Variants in KIF26A observed in about 807,000 individuals in gnomAD.
The protein encoded by KIF26A is kinesin family member 26A, also known as kinesin-like protein KIF26A.
KIF26A carries 74 observed loss-of-function variants against 126.0 expected under a neutral mutation model. The ratio of observed to expected loss-of-function variants is 0.59; its 90% CI spans 0.49 to 0.71. The LOEUF (loss-of-function observed/expected upper bound fraction) is 0.71, where lower values mean the gene tolerates loss of function less well. Among genes scored for constraint, KIF26A ranks in the 30% least tolerant of loss-of-function variants. The pLI is 0.00. For synonymous variants in KIF26A, 1,445 were observed against 1,232.7 expected (o/e 1.17, Z -3.61); for missense variants, 2,984 against 2,763.3 (o/e 1.08, Z -1.79).
rs1240016682 is a variant in KIF26A at position 104,151,503 on chromosome 14, A to G, written c.289-512A>G. On this transcript the variant is annotated intron_variant, in intron 2 of 14. Coordinates refer to ENST00000423312, the MANE Select transcript of KIF26A (RefSeq NM_015656.2). The surrounding 1 kb of genome is among the most constrained non-coding windows in gnomAD (Gnocchi z 4.9). ...CCGAGGGAGGCCTTCGCTTCTGTTG[A>G]CACCTTTACAGCAGCACTGATTTGA... 2.6e-5 allele frequency among the ~76,000 whole-genome samples: 4 copies of G among 152,116 alleles called. No individual in the cohort carries two copies. The highest frequency in any genetic ancestry group is 9.7e-5 in the African/African-American group (4 of 41,420).
chr14:104,171,766 G>T lies in KIF26A; in HGVS notation c.1157G>T (p.Arg386Leu). ...LRIWPAQGAQ[R>L]SAEAMSFLKV... ...ATCTGGCCCGCACAGGGGGCCCAGC[G>T]CTCGGCCGAGGCCATGTCCTTCCTG... Residue 386 changes from arginine (R) to leucine (L), a missense_variant, in exon 6 of 15, where the codon CGC becomes CTC. Physicochemically the swap from Arg to Leu is moderately radical, Grantham distance 102 (BLOSUM62 -2). Transcript: ENST00000423312. The T allele has an allele frequency of 6.3e-7, 1 of 1,580,476 alleles. No individual in the cohort carries two copies. Among genetic ancestry groups the T allele is most frequent in the Non-Finnish European group, 8.6e-7 (1 of 1,164,450 alleles).
In KIF26A at chr14:104,174,577, G is replaced by A. The variant is rs892034212; in HGVS notation, c.2193+267G>A. On this transcript the variant is annotated intron_variant, in intron 11 of 14. Coordinates refer to ENST00000423312, the MANE Select transcript of KIF26A (RefSeq NM_015656.2). ...GGCCTCACTCCAGCCTGCTGCCCCC[G>A]CACAGGCCCTGGGGTGCTCAGGAGA... is the stretch of plus-strand genomic sequence containing the variant. 1.2e-4 allele frequency among the ~76,000 whole-genome samples: 18 copies of A among 152,242 alleles called. No individual in the cohort carries two copies. The East Asian group carries it at 2.5e-3, about 21-fold the overall frequency.
chr14:104,179,424 C>T (rs1312208166), intron 14 of KIF26A, 38 bp downstream of exon 14: 64 of 1,465,700 alleles, frequency 4.4e-5, no homozygotes, highest in East Asian at 5.0e-5. Flanking sequence ...CCCGGCCCAC[C>T]GTGTGCCCTG....
At chr14:104,165,729 TTCTG>T (rs1003219583) in intron 4 of KIF26A, among the ~76,000 whole-genome samples, 30 of 149,890 alleles carry the variant, frequency 2.0e-4, no homozygotes, top group Admixed American at 9.3e-4. Flanking sequence ...GTCTGTGTGT[TTCTG>T]TATGCATATG....
Position 104,177,322 on chromosome 14 carries a change from G to C in KIF26A, c.4534G>C (p.Gly1512Arg), listed in dbSNP as rs1235979904. The change falls in exon 12 of 15, where the codon GGG becomes CGG. Residue 1512 changes from glycine (G) to arginine (R), a missense_variant. Gly to Arg is a moderately radical substitution (Grantham distance 125, BLOSUM62 -2). Coordinates refer to ENST00000423312, the MANE Select transcript of KIF26A (RefSeq NM_015656.2). ...AGTGGCTGGTGGGTCGCGGGCTCTG[G>C]GGCCTTCGGTGAAGCTGTCTACGGC... ...GLVAGGSRAL[G>R]PSVKLSTASV... 2 of 1,531,070 alleles carry C rather than the reference G, an allele frequency of 1.3e-6. No homozygotes were observed. Among genetic ancestry groups the C allele is most frequent in the Middle Eastern group, 1.7e-4 (1 of 5,864 alleles). The allele number at this position is 1,531,070 out of a possible 1,614,324, so 94.8% of individuals were successfully genotyped here.
At chr14:104,173,928 C>T (rs1001931594) in intron 10 of KIF26A, 60 bp downstream of exon 10, 27 of 1,514,302 alleles carry the variant, frequency 1.8e-5, no homozygotes, top group African/African-American at 6.9e-5. Context: ...CTGGTAAATC[C>T]GTGTCTGGTG....
chr14:104,146,187 T>G (rs2037679000), intron 2 of KIF26A, among the ~76,000 whole-genome samples: 1 of 152,014 alleles, frequency 6.6e-6, no homozygotes, highest in Non-Finnish European at 1.5e-5. Context: ...ACAGGGTGGT[T>G]GTTTTTGGGG....
rs562119465 is a variant in KIF26A at position 104,162,265 on chromosome 14, G to A, written c.923+4323G>A. On this transcript the variant is annotated intron_variant, in intron 4 of 14. Transcript: ENST00000423312. ...GGAGGAGGCGCCTCAAGTTAGGTCA[G>A]ATTGTGGGGTGGAGATGTGGGGCGA... is the stretch of plus-strand genomic sequence containing the variant. Among the ~76,000 whole-genome samples, 14 of 152,330 alleles carry A rather than the reference G, an allele frequency of 9.2e-5. No individual in the cohort carries two copies. The South Asian group carries it at 1.0e-3, about 11-fold the overall frequency.
intron 4 of KIF26A, among the ~76,000 whole-genome samples, chr14:104,161,147 C>G (rs1252479106): frequency 6.6e-6 from 1 of 152,224 alleles, no homozygotes; most frequent in Non-Finnish European, 1.5e-5. Context: ...CACAGCAGGG[C>G]TGGGAGTTGG....
At chr14:104,165,585 CTGTGTGTCTATGCATG>C (rs1392938419) in intron 4 of KIF26A, among the ~76,000 whole-genome samples, 14 of 140,220 alleles carry the variant, frequency 1.0e-4, no homozygotes, top group African/African-American at 3.2e-4. Flanking sequence ...ATGTGTGTGT[CTGTGTGTCTATGCATG>C]TGTGTGTCTC....
chr14:104,174,316 C>A lies in KIF26A; in HGVS notation c.2193+6C>A. 1 of 1,525,580 alleles carries A rather than the reference C, an allele frequency of 6.6e-7. No individual in the cohort carries two copies. The highest frequency in any genetic ancestry group is 2.0e-5 in the Admixed American group (1 of 49,996). 94.5% of individuals were successfully genotyped at this position (1,525,580 alleles called of 1,614,324 possible). ...TGCGCAGGAAGAAGGCCAAGGTGCT[C>A]CCCACCTCCTGCCCGCCCCATCTCG... On this transcript the variant is annotated splice_donor_region_variant and intron_variant, in intron 11 of 14. Coordinates refer to ENST00000423312, the MANE Select transcript of KIF26A (RefSeq NM_015656.2).
In KIF26A at chr14:104,172,969, G is replaced by C; in HGVS notation, c.1421-8G>C. On this transcript the variant is annotated splice_region_variant and splice_polypyrimidine_tract_variant and intron_variant, in intron 7 of 14. Transcript: ENST00000423312. ...TGTGGTGGGGCCTGACGCCTGCGTG[G>C]CCCCCAGGCAAGTCGTACACCATGA... The C allele has an allele frequency of 6.3e-7, 1 of 1,581,706 alleles. No individual in the cohort carries two copies. The highest frequency in any genetic ancestry group is 8.6e-7 in the Non-Finnish European group (1 of 1,160,734).
intron 2 of KIF26A, among the ~76,000 whole-genome samples, chr14:104,146,197 G>A (rs761886497): frequency 7.2e-5 from 11 of 152,212 alleles, no homozygotes; most frequent in Non-Finnish European, 1.5e-4. Context: ...TGTTTTTGGG[G>A]GTGGGTGGCC....
At chr14:104,169,306 T>A (rs902826716) in intron 5 of KIF26A, among the ~76,000 whole-genome samples, 2 of 152,338 alleles carry the variant, frequency 1.3e-5, no homozygotes, top group Middle Eastern at 3.4e-3. Flanking sequence ...GTTTGTGCCA[T>A]CCAGTTGGGG....
chr14:104,173,488 C>T lies in KIF26A; in HGVS notation c.1842C>T (p.Arg614=), dbSNP rs1225911087. 1.3e-6 allele frequency: 2 copies of T among 1,574,226 alleles called. No homozygotes were observed. Among genetic ancestry groups the T allele is most frequent in the South Asian group, 1.1e-5 (1 of 87,360 alleles). ...TCACGCTGCACGTCTACCAGTACCG[C>T]ATGGAGAAGTGCGGCCGGGGAGGAA... is the stretch of plus-strand genomic sequence containing the variant. ...MLFTLHVYQY[R]MEKCGRGGMS... The change falls in exon 9 of 15, where the codon CGC becomes CGT. Residue 614 remains arginine, a synonymous_variant. Coordinates refer to ENST00000423312, the MANE Select transcript of KIF26A (RefSeq NM_015656.2).
rs553031786 is a variant in KIF26A, at chr14:104,171,949, G to A, written c.1326+14G>A. On this transcript the variant is annotated intron_variant, in intron 6 of 14. Transcript: ENST00000423312. ...GACTCCGAGCAGGTACGGGCAGGCG[G>A]ACTGGGCGTCCTCCCGGAGACCCGG... 2.6e-5 allele frequency: 41 copies of A among 1,547,690 alleles called. No homozygotes were observed. The South Asian group carries it at 4.6e-4, about 18-fold the overall frequency.
chr14:104,170,895 T>C (rs556876406), intron 5 of KIF26A, among the ~76,000 whole-genome samples: 74 of 152,354 alleles, frequency 4.9e-4, no homozygotes, highest in African/African-American at 1.5e-3. Flanking sequence ...TGCCTGTATG[T>C]GGCCCAGTTT....
rs777623473 is a variant in KIF26A at position 104,176,381 on chromosome 14, G to A, written c.3593G>A (p.Arg1198Gln). ...PGREPQAGPS[R>Q]WASAAQTIHS... ...AGGGAGCCCCAGGCCGGGCCCTCGC[G>A]GTGGGCATCCGCAGCCCAGACCATC... Residue 1198 changes from arginine (R) to glutamine (Q), a missense_variant, in exon 12 of 15, where the codon CGG (arginine) becomes CAG (glutamine). Arg to Gln is a conservative substitution (Grantham distance 43, BLOSUM62 1). Transcript: ENST00000423312. 33 of 1,586,598 alleles carry A rather than the reference G, an allele frequency of 2.1e-5. No homozygotes were observed. The South Asian group carries it at 2.7e-4, about 13-fold the overall frequency.
Position 104,178,643 on chromosome 14 carries a change from C to T in KIF26A, c.5204C>T (p.Pro1735Leu), listed in dbSNP as rs1324743176. The T allele has an allele frequency of 6.4e-7, 1 of 1,552,346 alleles. No homozygotes were observed. The highest frequency in any genetic ancestry group is 8.7e-7 in the Non-Finnish European group (1 of 1,148,454). ...CTCCCCGGGCAGTGGGTGGACCTGC[C>T]CCCGCCCCTGGCTGGCTCCCTGAAG... Reference protein sequence around the residue: ...PSLPGQWVDLPPPLAGSLKEP... With the variant: ...PSLPGQWVDLLPPLAGSLKEP... Residue 1735 changes from proline to leucine, a missense_variant, in exon 13 of 15, where the codon CCC (proline) becomes CTC (leucine). Transcript: ENST00000423312.
Sources: gnomAD v4.1 joint callset for allele counts (sites outside exome capture counted in the v4.1 genomes callset) on GRCh38, gnomAD v4.1.1 for gene constraint, Gnocchi (gnomAD v3.1) non-coding constraint, MANE v1.5 for transcripts, NCBI Gene and HGNC (gene_info 2026-07-23, HGNC 2026-07-21) for gene names.